The following TAFA1 variants were observed in gnomAD, a reference collection of about 807,000 sequenced individuals.
The protein encoded by TAFA1 is chemokine-like protein TAFA-1.
A neutral mutation model predicts 18.5 loss-of-function variants in TAFA1; 4 were observed. The ratio of observed to expected loss-of-function variants is 0.22; its 90% CI spans 0.11 to 0.49. The LOEUF is 0.49. Among genes scored for constraint, TAFA1 ranks in the 20% least tolerant of loss-of-function variants. TAFA1 has a pLI of 0.98. For missense variants in TAFA1, 147 were observed against 169.0 expected (o/e 0.87, Z 0.72); for synonymous variants, 56 against 55.2 (o/e 1.01, Z -0.06).
intron 2 of TAFA1, among the ~76,000 whole-genome samples, chr3:68,288,796 C>T (rs959165728): frequency 8.5e-5 from 13 of 152,142 alleles, no homozygotes; most frequent in Admixed American, 6.5e-4. Flanking sequence ...TATGGGAGAG[C>T]CAGGGCTTTA....
At chr3:68,440,269 T>C (rs1275294477) in intron 3 of TAFA1, among the ~76,000 whole-genome samples, 1 of 152,190 alleles carries the variant, frequency 6.6e-6, no homozygotes, top group Non-Finnish European at 1.5e-5. Flanking sequence ...CCTCCCACCA[T>C]GATTGTGAGG....
chr3:68,035,733 A>G (rs1489108582), intron 2 of TAFA1, among the ~76,000 whole-genome samples: 1 of 152,236 alleles, frequency 6.6e-6, no homozygotes, highest in Non-Finnish European at 1.5e-5. Context: ...ATGTGTGAAT[A>G]TTGATAGAAG....
At chr3:68,540,441 G>T (rs907359295) in intron 4 of TAFA1, among the ~76,000 whole-genome samples, 1 of 152,114 alleles carries the variant, frequency 6.6e-6, no homozygotes, top group Non-Finnish European at 1.5e-5. Context: ...TAGAAGGTGG[G>T]AAATCAGGTT....
chr3:68,330,441 A>G (rs1208006064), intron 2 of TAFA1, among the ~76,000 whole-genome samples: 2 of 152,194 alleles, frequency 1.3e-5, no homozygotes, highest in African/African-American at 4.8e-5. Context: ...GGGGATCTGG[A>G]GAGCTATACC....
chr3:68,484,737 C>G (rs959151620), intron 3 of TAFA1, among the ~76,000 whole-genome samples: 2 of 152,174 alleles, frequency 1.3e-5, no homozygotes, highest in African/African-American at 4.8e-5. Context: ...TCTCATATTT[C>G]AAAATCTTTG....
chr3:68,036,576 C>G (rs142699346), intron 2 of TAFA1, among the ~76,000 whole-genome samples: 1,827 of 152,246 alleles, frequency 0.012, 20 homozygotes, highest in South Asian at 0.018. Flanking sequence ...TGTCACCTCT[C>G]TTTCAAGTTG....
intron 3 of TAFA1, among the ~76,000 whole-genome samples, chr3:68,514,732 G>C (rs201573632): frequency 7.1e-6 from 1 of 139,994 alleles, no homozygotes; most frequent in African/African-American, 2.6e-5. Flanking sequence ...AAAAAAAAAC[G>C]TTTTTTCCCA....
At chr3:68,130,996 C>T (rs188667479) in intron 2 of TAFA1, among the ~76,000 whole-genome samples, 10 of 152,234 alleles carry the variant, frequency 6.6e-5, no homozygotes, top group Admixed American at 2.0e-4. Flanking sequence ...ACAAGCTCCA[C>T]GAAAACAGGG....
intron 2 of TAFA1, among the ~76,000 whole-genome samples, chr3:68,390,701 C>T (rs969112707): frequency 2.0e-5 from 3 of 152,210 alleles, no homozygotes; most frequent in Admixed American, 2.0e-4. Context: ...GCTGGTGATA[C>T]TCAGGCAAAC....
At chr3:68,444,771 AATATAT>A (rs55684696) in intron 3 of TAFA1, among the ~76,000 whole-genome samples, 2,117 of 127,130 alleles carry the variant, frequency 0.017, 55 homozygotes, top group East Asian at 0.04. Flanking sequence ...GTTTCTACAA[AATATAT>A]ATATATATAT....
intron 2 of TAFA1, among the ~76,000 whole-genome samples, chr3:68,397,382 A>G (rs2070402653): frequency 6.6e-6 from 1 of 152,060 alleles, no homozygotes; most frequent in Admixed American, 6.6e-5. Context: ...TCACTGTTCA[A>G]CTTCCATTTA....
chr3:68,305,975 A>C (rs1048877813), intron 2 of TAFA1, among the ~76,000 whole-genome samples: 2 of 152,242 alleles, frequency 1.3e-5, no homozygotes, highest in Non-Finnish European at 2.9e-5. Flanking sequence ...GCATAGATTT[A>C]AAATGTTTGA....
intron 2 of TAFA1, chr3:68,246,714 A>C (rs887633075): frequency 6.6e-6 from 1 of 151,794 alleles, no homozygotes; most frequent in South Asian, 2.1e-4. Flanking sequence ...ACAAAGCACT[A>C]TCTCCATCTA....
intron 2 of TAFA1, among the ~76,000 whole-genome samples, chr3:68,180,012 T>TTTATTATTA (rs35696872): frequency 0.32 from 45,442 of 139,964 alleles, 7,625 homozygotes; most frequent in African/African-American, 0.34. Context: ...AACACATAAT[T>TTTATTATTA]TTATTATTAT....
chr3:68,397,295 A>G (rs941551382), intron 2 of TAFA1, among the ~76,000 whole-genome samples: 7 of 152,086 alleles, frequency 4.6e-5, no homozygotes, highest in African/African-American at 1.7e-4. Context: ...ATTTGTCCTA[A>G]TGCTGTCCCT....
At chr3:68,145,442 G>T (rs999171566) in intron 2 of TAFA1, 4 of 864,964 alleles carry the variant, frequency 4.6e-6, no homozygotes, top group Admixed American at 3.4e-5. Flanking sequence ...GGCTGTGAAA[G>T]GCTTATTAGA....
intron 2 of TAFA1, among the ~76,000 whole-genome samples, chr3:68,058,646 G>T (rs1412089460): frequency 2.0e-5 from 3 of 152,074 alleles, no homozygotes; most frequent in African/African-American, 7.2e-5. Flanking sequence ...CAGAGGTAAA[G>T]AAAAAAATGT....
intron 2 of TAFA1, among the ~76,000 whole-genome samples, chr3:68,078,055 T>G (rs2064849318): frequency 6.6e-6 from 1 of 151,788 alleles, no homozygotes; most frequent in Admixed American, 6.6e-5. Context: ...CCTAGGTATT[T>G]TATTCTCTTT....
At chr3:68,102,612 A>G (rs996767591) in intron 2 of TAFA1, among the ~76,000 whole-genome samples, 1 of 152,188 alleles carries the variant, frequency 6.6e-6, no homozygotes, top group Non-Finnish European at 1.5e-5. Context: ...TTGCTGTTAT[A>G]TACTATGATT....
Sources: gnomAD v4.1 joint callset for allele counts (sites outside exome capture counted in the v4.1 genomes callset) on GRCh38, gnomAD v4.1.1 for gene constraint, MANE v1.5 for transcripts, NCBI Gene and HGNC (gene_info 2026-07-23, HGNC 2026-07-21) for gene names.